The following PRPF8 variants were observed in gnomAD, a reference collection of about 807,000 sequenced individuals.
PRPF8 encodes the protein pre-mRNA-processing-splicing factor 8.
Under a neutral mutation model 285.9 loss-of-function variants are expected in PRPF8, and 64 were observed. That is an observed-to-expected ratio of 0.22 (90% confidence interval 0.18 to 0.28). The LOEUF is 0.28. Ranked by LOEUF, PRPF8 falls within the 10% of genes least tolerant of loss-of-function variation. PRPF8 has a pLI of 1.00. For synonymous variants in PRPF8, 1,325 were observed against 1,118.2 expected, an observed-to-expected ratio of 1.18 and a Z score of -3.69; for missense variants, 1,426 against 3,026.7, an observed-to-expected ratio of 0.47 and a Z score of 12.41.
rs757988776 is a variant in PRPF8 at position 1,659,863 on chromosome 17, G to A, written c.4924C>T (p.Pro1642Ser). 1.2e-6 allele frequency: 2 copies of A among 1,614,188 alleles called. No homozygotes were observed. Among genetic ancestry groups the A allele is most frequent in the South Asian group, 2.2e-5 (2 of 91,086 alleles). ...FASYKWNVSR[P>S]SLLADSKDVM... is the part of the protein sequence containing the mutation. ...TACTTGGAGTCAGCCAGCAATGAGG[G>A]CCGGGAGACATTCCACTTATAGGAG... The change falls in exon 31 of 43, where the codon CCC becomes TCC. Residue 1642 changes from proline (P) to serine (S), a missense_variant. This residue lies in a region of PRPF8 where 74 missense variants were observed against 161.8 expected (regional missense o/e 0.46). Transcript: ENST00000304992. The surrounding 1 kb of genome is among the most constrained non-coding windows in gnomAD (Gnocchi z 5.1).
Position 1,653,761 on chromosome 17 carries a change from T to C in PRPF8, c.6227+16A>G, listed in dbSNP as rs992224221. On this transcript the variant is annotated intron_variant, in intron 38 of 42. Coordinates refer to ENST00000304992, the MANE Select transcript of PRPF8 (RefSeq NM_006445.4). This position sits in a 1 kb window ranked among gnomAD's most constrained non-coding sequence, Gnocchi z 4.9. ...GCAGCCGGCCTTTCCATCCCCACCC[T>C]CTTGCCCGACAGTACCTGACCCTCC... 53 of 1,613,958 alleles carry C rather than the reference T, an allele frequency of 3.3e-5. 1 individual carries two copies. Among genetic ancestry groups the C allele is most frequent in the Non-Finnish European group, 4.5e-5 (53 of 1,180,000 alleles).
At position 1,681,072 on chromosome 17, in the gene PRPF8, G is replaced by C. The variant is rs1158423204; in HGVS notation, c.867-18C>G. ...CTTCATCCCTAGGGTACAACATCAAGAATAAGCAGACTTTTTTTTTTTTGA... is the reference window on the plus strand; with the variant it reads ...CTTCATCCCTAGGGTACAACATCAACAATAAGCAGACTTTTTTTTTTTTGA... On this transcript the variant is annotated intron_variant, in intron 6 of 42. Coordinates refer to ENST00000304992, the MANE Select transcript of PRPF8 (RefSeq NM_006445.4). The C allele has an allele frequency of 5.0e-6, 8 of 1,610,268 alleles. No individual in the cohort carries two copies. The highest frequency in any genetic ancestry group is 4.5e-5 in the East Asian group (2 of 44,866).
At position 1,661,577 on chromosome 17, in the gene PRPF8, G is replaced by T. The variant is rs755361127; in HGVS notation, c.4202+34C>A. The stretch of plus-strand genomic sequence containing the variant: ...CGGTTCAAAGGCCACCACTGCCCCT[G>T]CCCCAGGGTTGGCATGCCCTCCTAG... On this transcript the variant is annotated intron_variant, in intron 26 of 42. Transcript: ENST00000304992. This position sits in a 1 kb window ranked among gnomAD's most constrained non-coding sequence, Gnocchi z 7.3. The T allele has an allele frequency of 1.2e-6, 2 of 1,612,156 alleles. No individual in the cohort carries two copies. The highest frequency in any genetic ancestry group is 1.7e-5 in the Admixed American group (1 of 60,000).
chr17:1,684,448 C>G lies in PRPF8; in HGVS notation c.100+24G>C, dbSNP rs145091945. The G allele has an allele frequency of 3.9e-4, 621 of 1,612,094 alleles. 4 individuals are homozygous for G. In the East Asian group the frequency reaches 0.013, roughly 32 times the overall value. ...ACACCCGCCCCGCCTCCGGCCCGCG[C>G]GCCGCTCCACACTCTCGCCTCACCT... On this transcript the variant is annotated intron_variant, in intron 2 of 42. Coordinates refer to ENST00000304992, the MANE Select transcript of PRPF8 (RefSeq NM_006445.4).
chr17:1,662,275 T>A, intron 24 of PRPF8, 122 bp from the exon 25 acceptor site: 1 of 1,136,606 alleles, frequency 8.8e-7, no homozygotes. Context: ...ACATCATTAG[T>A]CACTAGGGAA....
Position 1,656,425 on chromosome 17 carries a change from A to G in PRPF8, c.5760T>C (p.Tyr1920=), listed in dbSNP as rs1480277957. Reference sequence around the variant, plus strand: ...ATGAAATAGTCTTGAGCCAGTCGTCATAGAGGTTGAAGAGAACCATCTGGG... The same window carrying G: ...ATGAAATAGTCTTGAGCCAGTCGTCGTAGAGGTTGAAGAGAACCATCTGGG... ...TEPQMVLFNL[Y]DDWLKTISSY... is the part of the protein sequence containing the mutation. The change falls in exon 36 of 43, where the codon TAT becomes TAC. Residue 1920 remains tyrosine, a synonymous_variant. Transcript: ENST00000304992. The G allele has an allele frequency of 1.2e-6, 2 of 1,614,090 alleles. No homozygotes were observed. The highest frequency in any genetic ancestry group is 2.2e-5 in the East Asian group (1 of 44,896).
chr17:1,673,882 C>A lies in PRPF8; in HGVS notation c.3310G>T (p.Asp1104Tyr), dbSNP rs775388373. Residue 1104 changes from aspartate to tyrosine, a missense_variant, in exon 22 of 43, where the codon GAT becomes TAT. Around this residue, in one of 34 missense-constraint regions of PRPF8, gnomAD observed 148 missense variants for 196.2 expected, o/e 0.75. Coordinates refer to ENST00000304992, the MANE Select transcript of PRPF8 (RefSeq NM_006445.4). This position sits in a 1 kb window ranked among gnomAD's most constrained non-coding sequence, Gnocchi z 5.5. ...RIHIFFRFTA[D>Y]EARDLIQRYL... ...CGTTGAATCAGGTCCCGAGCCTCAT[C>A]TGCTGTGAACCTACACCAGACCAGG... 3 of 1,613,502 alleles carry A rather than the reference C, an allele frequency of 1.9e-6. No homozygotes were observed. Among genetic ancestry groups the A allele is most frequent in the Non-Finnish European group, 2.5e-6 (3 of 1,180,004 alleles).
intron 8 of PRPF8, 180 bp downstream of exon 8, chr17:1,680,546 G>T (rs1912857453): frequency 2.9e-6 from 2 of 690,694 alleles, no homozygotes; most frequent in Non-Finnish European, 5.2e-6. Context: ...CAGAAAACAG[G>T]ATTATACCAA....
chr17:1,654,102 C>T (rs1025058852), intron 37 of PRPF8, 86 bp from the exon 38 acceptor site: 1 of 1,599,662 alleles, frequency 6.3e-7, no homozygotes, highest in African/African-American at 1.3e-5. Flanking sequence ...CTTGGTAGGA[C>T]AGGACAGCCT....
At chr17:1,667,958 A>T (rs1438952774) in intron 24 of PRPF8, among the ~76,000 whole-genome samples, 2 of 152,224 alleles carry the variant, frequency 1.3e-5, no homozygotes, top group Non-Finnish European at 2.9e-5. Flanking sequence ...GATTGCAGGC[A>T]TAAGCCACCA....
rs564116321 is a variant in PRPF8 at position 1,683,999 on chromosome 17, G to A, written c.101-298C>T. 4.6e-5 allele frequency among the ~76,000 whole-genome samples: 7 copies of A among 151,098 alleles called. No individual in the cohort carries two copies. The South Asian group carries it at 1.5e-3, about 31-fold the overall frequency. On this transcript the variant is annotated intron_variant, in intron 2 of 42. Coordinates refer to ENST00000304992, the MANE Select transcript of PRPF8 (RefSeq NM_006445.4). ...CCTCCTGGGTTCAAGCCATTCTCCT[G>A]CCTCAGCCTCCCCAGTAGCTGGGAT... is the stretch of plus-strand genomic sequence containing the variant.
intron 24 of PRPF8, among the ~76,000 whole-genome samples, chr17:1,664,036 C>T (rs766146924): frequency 3.3e-5 from 5 of 152,124 alleles, no homozygotes; most frequent in Non-Finnish European, 7.4e-5. Flanking sequence ...GTAGTTGGAT[C>T]TTTCTCTCAA....
In PRPF8 at chr17:1,655,373, C is replaced by T. The variant is rs1911312357; in HGVS notation, c.5964G>A (p.Leu1988=). 6.2e-7 allele frequency: 1 copy of T among 1,613,670 alleles called. No individual in the cohort carries two copies. The change falls in exon 37 of 43, where the codon TTG becomes TTA. Residue 1988 remains leucine (L), a synonymous_variant. Transcript: ENST00000304992. ...KVEVQLKDLI[L]ADYGKKNNVN... is the part of the protein sequence containing the mutation. ...ACTTGTTTTTCTTGCCGTAGTCAGC[C>T]AAGATCAGATCCTTGAGCTGCACCT...
intron 3 of PRPF8, 63 bp from the exon 4 acceptor site, chr17:1,682,356 G>T: frequency 6.4e-7 from 1 of 1,566,886 alleles, no homozygotes; most frequent in Non-Finnish European, 8.8e-7. Context: ...CCTGTCCCAT[G>T]CAGAGAAGCC....
chr17:1,664,687 T>C (rs1911861055), intron 24 of PRPF8, among the ~76,000 whole-genome samples: 1 of 152,012 alleles, frequency 6.6e-6, no homozygotes, highest in Non-Finnish European at 1.5e-5. Context: ...TTTTTAAAAC[T>C]AAGATCATAT....
chr17:1,668,817 G>C (rs550823253), intron 24 of PRPF8, among the ~76,000 whole-genome samples: 4 of 152,258 alleles, frequency 2.6e-5, no homozygotes, highest in South Asian at 2.1e-4. Context: ...CAAATGCTCA[G>C]AGTTGTCTTC....
At position 1,682,050 on chromosome 17, in the gene PRPF8, G is replaced by A; in HGVS notation, c.435-12C>T. 1 of 1,613,756 alleles carries A rather than the reference G, an allele frequency of 6.2e-7. No homozygotes were observed. Among genetic ancestry groups the A allele is most frequent in the South Asian group, 1.1e-5 (1 of 91,058 alleles). Reference sequence around the variant, plus strand: ...TAATCCACATTGACCTGGAAGGCAAGACATCACACAACCATTTCTACCCAC... The same window carrying A: ...TAATCCACATTGACCTGGAAGGCAAAACATCACACAACCATTTCTACCCAC... On this transcript the variant is annotated splice_polypyrimidine_tract_variant and intron_variant, in intron 4 of 42. Transcript: ENST00000304992.
In PRPF8 at chr17:1,656,864, G is replaced by T. The variant is rs540982516; in HGVS notation, c.5506-103C>A. 769 of 1,026,132 alleles carry T rather than the reference G, an allele frequency of 7.5e-4. 16 individuals carry two copies. The South Asian group carries it at 9.9e-3, about 13-fold the overall frequency. 63.6% of individuals were successfully genotyped at this position (1,026,132 alleles called of 1,614,324 possible). On this transcript the variant is annotated intron_variant, in intron 34 of 42. Coordinates refer to ENST00000304992, the MANE Select transcript of PRPF8 (RefSeq NM_006445.4). ...GAAATAATCCAACTACGTTTCTATT[G>T]AACACTGATGTTAAATGTTAGGCAC...
chr17:1,665,345 C>CCAG (rs962165219), intron 24 of PRPF8, among the ~76,000 whole-genome samples: 1 of 149,904 alleles, frequency 6.7e-6, no homozygotes, highest in Non-Finnish European at 1.5e-5. Context: ...CAAGACCATC[C>CCAG]CAGCTAACAC....
Sources: gnomAD v4.1 joint callset for allele counts (sites outside exome capture counted in the v4.1 genomes callset) on GRCh38, gnomAD v4.1.1 for gene constraint, gnomAD v4.1.1 regional missense constraint, Gnocchi (gnomAD v3.1) non-coding constraint, MANE v1.5 for transcripts, NCBI Gene and HGNC (gene_info 2026-07-23, HGNC 2026-07-21) for gene names.